NXPE2: variants seen among roughly 807,000 people sequenced by gnomAD.
NXPE2 encodes neurexophilin and PC-esterase domain family member 2, also known as NXPE family member 2.
Under a neutral mutation model 34.4 loss-of-function variants are expected in NXPE2, and 34 were observed. The ratio of observed to expected loss-of-function variants is 0.99; its 90% CI spans 0.75 to 1.31. The LOEUF is 1.31. NXPE2 is among the 40% of genes most tolerant of loss of function. The probability of loss-of-function intolerance (pLI) is 0.00; values close to 1 mark genes in which losing one functional copy is unlikely to be tolerated. For synonymous variants in NXPE2, 235 were observed against 231.3 expected (o/e 1.02, Z -0.15); for missense variants, 649 against 672.5 (o/e 0.97, Z 0.39).
the NXPE2 span, among the ~76,000 whole-genome samples, chr11:114,561,220 A>T: frequency 6.6e-6 from 1 of 152,226 alleles, no homozygotes. Context: ...TACAACATTT[A>T]AAAACAGTTT....
At chr11:114,502,868 T>G in the NXPE2 span, among the ~76,000 whole-genome samples, 7 of 152,196 alleles carry the variant, frequency 4.6e-5, no homozygotes, top group Non-Finnish European at 8.8e-5. Flanking sequence ...CTTTTAAGTT[T>G]CCCTGGGAGA....
the NXPE2 span, among the ~76,000 whole-genome samples, chr11:114,567,350 C>A: frequency 6.6e-6 from 1 of 151,994 alleles, no homozygotes; most frequent in South Asian, 2.1e-4. Flanking sequence ...ATTGCCTGAA[C>A]CCTGCCTGGA....
the NXPE2 span, among the ~76,000 whole-genome samples, chr11:114,627,302 C>G: frequency 6.6e-6 from 1 of 152,072 alleles, no homozygotes; most frequent in Admixed American, 6.6e-5. Flanking sequence ...GGAAGCCCAT[C>G]AGACTAACAG....
the NXPE2 span, among the ~76,000 whole-genome samples, chr11:114,547,010 T>C: frequency 6.6e-6 from 1 of 152,194 alleles, no homozygotes; most frequent in African/African-American, 2.4e-5. Flanking sequence ...ACAAATCTCT[T>C]GTACAGAAGA....
upstream of NXPE2, chr11:114,678,501 C>T (rs1950883597): frequency 8.1e-7 from 1 of 1,229,352 alleles, no homozygotes; most frequent in African/African-American, 1.5e-5. Context: ...AAACTCCAAC[C>T]CTAAGATAAA....
intron 2 of NXPE2, among the ~76,000 whole-genome samples, chr11:114,682,622 G>A (rs115178929): frequency 1.1e-3 from 172 of 152,224 alleles, no homozygotes; most frequent in African/African-American, 3.9e-3. Context: ...AAGTAATAAC[G>A]TTAATTAAAA....
chr11:114,757,768 G>A, the NXPE2 span, among the ~76,000 whole-genome samples: 3 of 152,022 alleles, frequency 2.0e-5, no homozygotes, highest in Non-Finnish European at 4.4e-5. Flanking sequence ...AAAATAGTTG[G>A]GGTTCTTAGA....
At chr11:114,651,331 G>A in the NXPE2 span, among the ~76,000 whole-genome samples, 79 of 151,818 alleles carry the variant, frequency 5.2e-4, no homozygotes, top group African/African-American at 1.3e-3. Context: ...GTTACAGCTC[G>A]TTAAGGTGGC....
chr11:114,518,657 GAC>G, the NXPE2 span, among the ~76,000 whole-genome samples: 1 of 152,170 alleles, frequency 6.6e-6, no homozygotes, highest in Non-Finnish European at 1.5e-5. Flanking sequence ...GCTCTGTGGT[GAC>G]ACCTCAAGAG....
the NXPE2 span, among the ~76,000 whole-genome samples, chr11:114,561,743 T>C: frequency 6.6e-6 from 1 of 152,232 alleles, no homozygotes; most frequent in Non-Finnish European, 1.5e-5. Flanking sequence ...CTTGGTATTA[T>C]GAAATTTTAT....
the NXPE2 span, among the ~76,000 whole-genome samples, chr11:114,545,884 T>G: frequency 7.2e-5 from 11 of 152,140 alleles, 1 homozygote; most frequent in Admixed American, 7.2e-4. Flanking sequence ...AGAGATGGAA[T>G]GTCACCATGT....
the NXPE2 span, among the ~76,000 whole-genome samples, chr11:114,672,113 A>G: frequency 3.9e-5 from 6 of 151,970 alleles, 1 homozygote; most frequent in Admixed American, 2.0e-4. Context: ...TGAGAACTCT[A>G]GTACAAGAAC....
chr11:114,545,643 A>G, the NXPE2 span, among the ~76,000 whole-genome samples: 2 of 152,098 alleles, frequency 1.3e-5, no homozygotes, highest in African/African-American at 4.8e-5. Flanking sequence ...TGTTGTGTAT[A>G]CATGAAACTG....
chr11:114,632,488 T>A, the NXPE2 span, among the ~76,000 whole-genome samples: 1 of 126,538 alleles, frequency 7.9e-6, no homozygotes, highest in African/African-American at 2.9e-5. Flanking sequence ...TAATACTCCA[T>A]AATATATATT....
chr11:114,711,187 G>T (rs975926208), downstream of NXPE2, among the ~76,000 whole-genome samples: 3 of 152,010 alleles, frequency 2.0e-5, no homozygotes, highest in African/African-American at 7.2e-5. Flanking sequence ...ACAAAGCAAA[G>T]ATGCCCATCC....
chr11:114,632,456 G>T, the NXPE2 span, among the ~76,000 whole-genome samples: 4 of 122,390 alleles, frequency 3.3e-5, no homozygotes, highest in East Asian at 2.2e-4. Context: ...ATTTATAAGA[G>T]TTATACATTA....
the NXPE2 span, among the ~76,000 whole-genome samples, chr11:114,672,679 A>T: frequency 1.9e-4 from 29 of 151,792 alleles, no homozygotes; most frequent in Non-Finnish European, 4.4e-5. Context: ...TGGACAAAAT[A>T]GACTTTAAAA....
the NXPE2 span, among the ~76,000 whole-genome samples, chr11:114,543,010 T>A: frequency 6.6e-6 from 1 of 152,134 alleles, no homozygotes; most frequent in African/African-American, 2.4e-5. Flanking sequence ...ATCCCAGCAC[T>A]TTGGGAGGTT....
the NXPE2 span, among the ~76,000 whole-genome samples, chr11:114,465,516 C>T: frequency 3.9e-5 from 6 of 152,110 alleles, no homozygotes; most frequent in Non-Finnish European, 8.8e-5. Flanking sequence ...AGGATAGTGG[C>T]TTACCTTCGT....
Sources: gnomAD v4.1 joint callset for allele counts (sites outside exome capture counted in the v4.1 genomes callset) on GRCh38, gnomAD v4.1.1 for gene constraint, MANE v1.5 for transcripts, NCBI Gene and HGNC (gene_info 2026-07-23, HGNC 2026-07-21) for gene names.